Variants in LRCH2 observed in about 807,000 individuals in gnomAD.
LRCH2 encodes leucine-rich repeat and calponin homology domain-containing protein 2.
In LRCH2, 38 loss-of-function variants were observed where a neutral mutation model predicts 68.9. The observed-to-expected ratio is 0.55, with a 90% CI of 0.43 to 0.72. LRCH2 has a LOEUF of 0.72. Ranked by LOEUF, LRCH2 falls within the 30% of genes least tolerant of loss-of-function variation. The pLI, the probability that LRCH2 is intolerant of heterozygous loss-of-function variation, is 0.00. For missense variants in LRCH2, 528 were observed against 572.9 expected (o/e 0.92, Z 0.80); for synonymous variants, 191 against 208.1 (o/e 0.92, Z 0.71).
intron 1 of LRCH2, among the ~76,000 whole-genome samples, chrX:115,227,717 C>CA (rs2073128511): frequency 9.4e-6 from 1 of 106,483 alleles, no homozygotes; most frequent in Non-Finnish European, 1.9e-5. Flanking sequence ...TAATCATTAA[C>CA]AAAAAGCCAT....
At chrX:115,204,105 C>T (rs2072948898) in intron 1 of LRCH2, among the ~76,000 whole-genome samples, 2 of 113,133 alleles carry the variant, frequency 1.8e-5, no homozygotes, top group Admixed American at 1.9e-4. Flanking sequence ...GTGGAGGCCA[C>T]CAAAGCTTGA....
intron 1 of LRCH2, chrX:115,189,537 C>A: frequency 8.5e-7 from 1 of 1,179,976 alleles, no homozygotes; most frequent in East Asian, 3.1e-5. Context: ...GCAAGTATGG[C>A]CACATCATCA....
At chrX:115,199,089 G>A (rs782703416) in intron 1 of LRCH2, among the ~76,000 whole-genome samples, 9 of 111,955 alleles carry the variant, frequency 8.0e-5, no homozygotes, top group Non-Finnish European at 1.7e-4. Flanking sequence ...AGTCCTAAAC[G>A]TGGAAGTAAA....
chrX:115,160,080 G>A (rs1023673431), intron 11 of LRCH2, among the ~76,000 whole-genome samples: 33 of 111,310 alleles, frequency 3.0e-4, no homozygotes, highest in African/African-American at 1.1e-3. Flanking sequence ...CACTTTGGGA[G>A]GCTGAGGCGG....
rs781984987 is a variant in LRCH2, at chrX:115,178,609, T to C, written c.864+818A>G. Among the ~76,000 whole-genome samples, 25 of 112,106 alleles carry C rather than the reference T, an allele frequency of 2.2e-4. No individual in the cohort carries two copies. The South Asian group carries it at 3.3e-3, about 15-fold the overall frequency. On this transcript the variant is annotated intron_variant, in intron 5 of 20. Coordinates refer to ENST00000317135, the MANE Select transcript of LRCH2 (RefSeq NM_020871.4). ...ACTTGAATCTGATTGCCTTCTCCCATAGCAGGCACAAGTTTCAGCTTTCTT... is the reference window on the plus strand; with the variant it reads ...ACTTGAATCTGATTGCCTTCTCCCACAGCAGGCACAAGTTTCAGCTTTCTT...
chrX:115,145,565 AT>A (rs1250680234), intron 14 of LRCH2, among the ~76,000 whole-genome samples: 7 of 111,499 alleles, frequency 6.3e-5, no homozygotes, highest in African/African-American at 2.3e-4. Context: ...AATAACCAGA[AT>A]TTAAGGAGCT....
intron 1 of LRCH2, among the ~76,000 whole-genome samples, chrX:115,221,179 CAAAAAAAAAAAAAAAAA>C (rs1166166479): frequency 1.2e-4 from 8 of 68,918 alleles, no homozygotes; most frequent in African/African-American, 2.8e-4. Context: ...TCCATCTTAA[CAAAAAAAAAAAAAAAAA>C]AAAAAAAAAA....
intron 14 of LRCH2, among the ~76,000 whole-genome samples, chrX:115,138,612 G>A (rs1352322094): frequency 9.0e-6 from 1 of 111,588 alleles, no homozygotes; most frequent in African/African-American, 3.3e-5. Context: ...AAAGAGGCAG[G>A]AAAGACATAG....
intron 1 of LRCH2, among the ~76,000 whole-genome samples, chrX:115,225,685 A>G (rs1427253309): frequency 1.8e-5 from 2 of 111,975 alleles, no homozygotes; most frequent in Non-Finnish European, 3.8e-5. Flanking sequence ...TATTCAAAAT[A>G]TACAAAACAA....
intron 1 of LRCH2, chrX:115,190,746 C>T (rs782203878): frequency 4.1e-5 from 48 of 1,161,068 alleles, no homozygotes; most frequent in Admixed American, 1.0e-4. Flanking sequence ...AGGCCCGCAG[C>T]GGGGGCCGCT....
intron 1 of LRCH2, among the ~76,000 whole-genome samples, chrX:115,232,480 T>A (rs189332699): frequency 9.0e-6 from 1 of 111,555 alleles, no homozygotes; most frequent in African/African-American, 3.2e-5. Context: ...ACATTCATAG[T>A]TCTTAGGATC....
chrX:115,196,335 C>T (rs1310161421), intron 1 of LRCH2, among the ~76,000 whole-genome samples: 2 of 111,277 alleles, frequency 1.8e-5, no homozygotes, highest in Non-Finnish European at 3.8e-5. Flanking sequence ...ATGGCAGGAC[C>T]TCAGCACAGC....
chrX:115,115,397 T>A (rs1016383297), intron 20 of LRCH2, among the ~76,000 whole-genome samples: 1 of 110,935 alleles, frequency 9.0e-6, no homozygotes, highest in Non-Finnish European at 1.9e-5. Flanking sequence ...AAGCCTTATA[T>A]TTATGGTCAC....
At chrX:115,173,610 T>C (rs1333605879) in intron 5 of LRCH2, among the ~76,000 whole-genome samples, 1 of 112,091 alleles carries the variant, frequency 8.9e-6, no homozygotes. Context: ...CTATTTCCTA[T>C]AACTATCTTC....
intron 12 of LRCH2, among the ~76,000 whole-genome samples, chrX:115,155,681 C>G (rs2072469412): frequency 8.9e-6 from 1 of 111,955 alleles, no homozygotes; most frequent in Non-Finnish European, 1.9e-5. Flanking sequence ...CAATTTACTA[C>G]ATTAACCCAT....
chrX:115,129,145 G>A (rs1556529081), intron 15 of LRCH2, among the ~76,000 whole-genome samples: 1 of 111,909 alleles, frequency 8.9e-6, no homozygotes. Context: ...TTGAACCTCA[G>A]GGGAGAGGTC....
chrX:115,184,562 T>C, intron 2 of LRCH2, 25 bp from the exon 3 acceptor site: 1 of 1,108,749 alleles, frequency 9.0e-7, no homozygotes. Context: ...AAAGTTTCAT[T>C]ACGAGAATAT....
chrX:115,189,601 G>A (rs1556556197), intron 1 of LRCH2: 4 of 1,169,925 alleles, frequency 3.4e-6, no homozygotes, highest in South Asian at 3.8e-5. Flanking sequence ...CTTCGCGTTC[G>A]TCACCTTCGA....
chrX:115,178,295 T>C (rs2072666495), intron 5 of LRCH2, among the ~76,000 whole-genome samples: 1 of 112,006 alleles, frequency 8.9e-6, no homozygotes, highest in African/African-American at 3.2e-5. Context: ...GAGCTACCAG[T>C]CACATGCAGC....
Sources: gnomAD v4.1 joint callset for allele counts (sites outside exome capture counted in the v4.1 genomes callset) on GRCh38, gnomAD v4.1.1 for gene constraint, MANE v1.5 for transcripts, NCBI Gene and HGNC (gene_info 2026-07-23, HGNC 2026-07-21) for gene names.